Variants in POR observed in about 807,000 individuals in gnomAD.
The protein encoded by POR is cytochrome p450 oxidoreductase.
Under a neutral mutation model 84.0 loss-of-function variants are expected in POR, and 56 were observed. That is an observed-to-expected ratio of 0.67 (90% CI 0.54 to 0.83). The LOEUF (loss-of-function observed/expected upper bound fraction) is 0.83, where lower values mean the gene tolerates loss of function less well. Ranked by LOEUF, POR falls within the 40% of genes least tolerant of loss-of-function variation. POR has a pLI of 0.00. For synonymous variants in POR, 414 were observed against 400.5 expected, an observed-to-expected ratio of 1.03 and a Z score of -0.40; for missense variants, 938 against 944.3, an observed-to-expected ratio of 0.99 and a Z score of 0.09.
At chr7:75,925,474 A>G (rs1807067982) in intron 1 of POR, among the ~76,000 whole-genome samples, 1 of 152,170 alleles carries the variant, frequency 6.6e-6, no homozygotes, top group Non-Finnish European at 1.5e-5. Context: ...GTAGTAAGCT[A>G]TGATTGCACC....
Position 75,917,356 on chromosome 7 carries a change from C to CCGTTCCTG in POR, c.-5+2178_-5+2185dup, listed in dbSNP as rs1175015975. On this transcript the variant is annotated intron_variant, in intron 1 of 15. Coordinates refer to ENST00000461988, the MANE Select transcript of POR (RefSeq NM_000941.3). ...GTGCTGAGATTACAGGTGTGAGCCA[C>CCGTTCCTG]CGTTCCTGGCTTTCTTATTTCTTCT... Among the ~76,000 whole-genome samples, 10 of 151,578 alleles carry CCGTTCCTG rather than the reference C, an allele frequency of 6.6e-5. No homozygotes were observed. In the East Asian group the frequency reaches 1.7e-3, roughly 26 times the overall value.
chr7:75,971,879 T>G (rs1585120482), intron 2 of POR, among the ~76,000 whole-genome samples: 1 of 149,620 alleles, frequency 6.7e-6, no homozygotes, highest in Non-Finnish European at 1.5e-5. Flanking sequence ...TGGAGGGGAG[T>G]GGCAGGTGAC....
intron 2 of POR, 42 bp from the exon 3 acceptor site, chr7:75,972,371 G>A: frequency 1.3e-6 from 2 of 1,578,056 alleles, no homozygotes; most frequent in Non-Finnish European, 1.7e-6. Context: ...TGTGTCCCAT[G>A]ACACCTGCCT....
At chr7:75,977,870 G>A (rs1554557063) in intron 3 of POR, among the ~76,000 whole-genome samples, 1 of 152,192 alleles carries the variant, frequency 6.6e-6, no homozygotes, top group African/African-American at 2.4e-5. Context: ...GTGCATGAGG[G>A]GCCAGGAAGC....
At chr7:75,935,619 T>TTGTGTGTG (rs57899780) in intron 1 of POR, among the ~76,000 whole-genome samples, 317 of 131,378 alleles carry the variant, frequency 2.4e-3, no homozygotes, top group Non-Finnish European at 2.7e-3. Flanking sequence ...TGCTCGGGGC[T>TTGTGTGTG]TGTGTGTGTG....
intron 1 of POR, chr7:75,923,259 G>T: frequency 2.5e-6 from 3 of 1,220,050 alleles, no homozygotes; most frequent in Non-Finnish European, 3.6e-6. Context: ...CTTTTGCTTG[G>T]AAGACCTCAT....
At chr7:75,917,576 T>A (rs1407667917) in intron 1 of POR, among the ~76,000 whole-genome samples, 6 of 152,076 alleles carry the variant, frequency 3.9e-5, no homozygotes, top group Non-Finnish European at 7.4e-5. Context: ...AACTTTCTGT[T>A]ATATGTCAGA....
intron 1 of POR, among the ~76,000 whole-genome samples, chr7:75,920,903 C>G (rs1806824908): frequency 6.6e-6 from 1 of 152,136 alleles, no homozygotes; most frequent in Admixed American, 6.5e-5. Context: ...ATTCAGAGTG[C>G]AGTTTGGCAT....
At chr7:75,980,255 A>T in intron 4 of POR, 84 bp from the exon 5 acceptor site, 1 of 1,505,036 alleles carries the variant, frequency 6.6e-7, no homozygotes, top group Non-Finnish European at 9.0e-7. Context: ...CCTGGGCAGG[A>T]CCTGGCCTTC....
chr7:75,965,410 C>T (rs535517441), intron 2 of POR, among the ~76,000 whole-genome samples: 18 of 152,268 alleles, frequency 1.2e-4, no homozygotes, highest in Admixed American at 3.3e-4. Context: ...TCAAGGCTGA[C>T]GTTAGCACAT....
At chr7:75,955,314 A>G in intron 2 of POR, among the ~76,000 whole-genome samples, 1 of 152,250 alleles carries the variant, frequency 6.6e-6, no homozygotes, top group East Asian at 1.9e-4. Context: ...AACGTTAAGG[A>G]AATAATAGTA....
chr7:75,931,401 C>T (rs782034983), intron 1 of POR, among the ~76,000 whole-genome samples: 6 of 151,690 alleles, frequency 4.0e-5, no homozygotes, highest in African/African-American at 7.3e-5. Flanking sequence ...CAGTCTCCCT[C>T]TCTCACGCAG....
At chr7:75,984,988 C>T in intron 11 of POR, 30 bp downstream of exon 11, 1 of 1,575,798 alleles carries the variant, frequency 6.3e-7, no homozygotes, top group Non-Finnish European at 8.6e-7. Flanking sequence ...GCAACCTCCG[C>T]CCCGTCACCC....
At position 75,973,348 on chromosome 7, in the gene POR, G is replaced by A. The variant is rs143798016; in HGVS notation, c.237+887G>A. On this transcript the variant is annotated intron_variant, in intron 3 of 15. Transcript: ENST00000461988. Reference sequence around the variant, plus strand: ...TTTATTTTAGAGACAGGGTCTCACTGTGTTGCCCAGGCTGGAGTGCAGCGG... The same window carrying A: ...TTTATTTTAGAGACAGGGTCTCACTATGTTGCCCAGGCTGGAGTGCAGCGG... Among the ~76,000 whole-genome samples, 509 of 150,934 alleles carry A rather than the reference G, an allele frequency of 3.4e-3. 3 individuals carry two copies. The highest frequency in any genetic ancestry group is 0.012 in the African/African-American group (483 of 41,114).
rs150949148 is a variant in POR at position 75,980,486 on chromosome 7, G to A, written c.514G>A (p.Ala172Thr). The A allele has an allele frequency of 3.5e-5, 56 of 1,612,858 alleles. No homozygotes were observed. Among genetic ancestry groups the A allele is most frequent in the Non-Finnish European group, 4.2e-5 (50 of 1,179,794 alleles). ...CGTGGATCTCTCTGGGGTCAAGTTC[G>A]CGGTGAGTCACCCAGAGACTGCTAT... Residue 172 changes from alanine (A) to threonine (T), a missense_variant and splice_region_variant, in exon 5 of 16, where the codon GCG becomes ACG. Ala to Thr is a moderately conservative substitution (Grantham distance 58). Coordinates refer to ENST00000461988, the MANE Select transcript of POR (RefSeq NM_000941.3).
intron 2 of POR, among the ~76,000 whole-genome samples, chr7:75,956,702 G>A (rs1396984409): frequency 2.6e-5 from 4 of 151,962 alleles, no homozygotes; most frequent in Non-Finnish European, 5.9e-5. Context: ...TTTATGTTAA[G>A]CTGGAAAATG....
chr7:75,972,552 T>TA, intron 3 of POR, 91 bp downstream of exon 3: 1 of 1,240,374 alleles, frequency 8.1e-7, no homozygotes, highest in Non-Finnish European at 1.2e-6. Context: ...CGTCACCGCA[T>TA]AGAGGATGTC....
At chr7:75,924,716 A>C (rs1807035721) in intron 1 of POR, among the ~76,000 whole-genome samples, 1 of 152,144 alleles carries the variant, frequency 6.6e-6, no homozygotes, top group Admixed American at 6.6e-5. Flanking sequence ...CAAAATATAC[A>C]GTAATAAATG....
At chr7:75,981,234 G>A in intron 6 of POR, 62 bp downstream of exon 6, 2 of 1,475,694 alleles carry the variant, frequency 1.4e-6, no homozygotes, top group Non-Finnish European at 1.8e-6. Flanking sequence ...CGTGGAACGT[G>A]AGGGGCGCGC....
Sources: gnomAD v4.1 joint callset for allele counts (sites outside exome capture counted in the v4.1 genomes callset) on GRCh38, gnomAD v4.1.1 for gene constraint, MANE v1.5 for transcripts, NCBI Gene and HGNC (gene_info 2026-07-23, HGNC 2026-07-21) for gene names.